The following CHEK1 variants were observed in gnomAD, a reference collection of about 807,000 sequenced individuals.
The protein encoded by CHEK1 is checkpoint kinase 1, also known as serine/threonine-protein kinase Chk1.
In CHEK1, 32 loss-of-function variants were observed where a neutral mutation model predicts 60.2. That is an observed-to-expected ratio of 0.53 (90% CI 0.40 to 0.71). CHEK1 has a LOEUF of 0.71. Ranked by LOEUF, CHEK1 falls within the 30% of genes least tolerant of loss-of-function variation. CHEK1 has a pLI of 0.00. For missense variants in CHEK1, 399 were observed against 564.6 expected (o/e 0.71, Z 2.97); for synonymous variants, 179 against 187.2 (o/e 0.96, Z 0.36).
downstream of CHEK1, chr11:125,657,187 T>TG (rs1941926037): frequency 6.8e-6 from 1 of 146,958 alleles, no homozygotes; most frequent in Admixed American, 7.0e-5. Context: ...CAACCTATGC[T>TG]TGTGTGTGTG....
At chr11:125,652,980 G>T (rs1941790211) in intron 11 of CHEK1, among the ~76,000 whole-genome samples, 1 of 151,922 alleles carries the variant, frequency 6.6e-6, no homozygotes, top group East Asian at 1.9e-4. Flanking sequence ...CCCCTTCCTG[G>T]ACTCTAGTAT....
downstream of CHEK1, among the ~76,000 whole-genome samples, chr11:125,679,755 C>T (rs1024125775): frequency 2.0e-5 from 3 of 152,190 alleles, no homozygotes; most frequent in South Asian, 2.1e-4. Flanking sequence ...AAGAATCTTG[C>T]GATAGATATA....
chr11:125,671,915 GT>G, intron 13 of CHEK1: 1 of 152,236 alleles, frequency 6.6e-6, no homozygotes, highest in South Asian at 2.1e-4. Context: ...CTCCTATCCT[GT>G]ATAGATGATT....
At chr11:125,661,417 T>C (rs1403505452), downstream of CHEK1, among the ~76,000 whole-genome samples, 1 of 152,176 alleles carries the variant, frequency 6.6e-6, no homozygotes, top group African/African-American at 2.4e-5. Flanking sequence ...GTGCAAGTGA[T>C]TCTTGTGCCT....
rs1487323349 is a variant in CHEK1, at chr11:125,656,865, TG to T, written c.*1547del. The T allele has an allele frequency of 9.5e-6, 2 of 210,374 alleles. No individual in the cohort carries two copies. The highest frequency in any genetic ancestry group is 1.9e-5 in the Non-Finnish European group (2 of 103,580). 13.0% of individuals were successfully genotyped at this position (210,374 alleles called of 1,614,324 possible). ...GTTTGCTGTGGGAATTTGTATAGAA[TG>T]GTGGGAAAATTTCAAGTTTCATATT... On this transcript the variant is annotated 3_prime_UTR_variant, in exon 13 of 13. Transcript: ENST00000438015.
At position 125,653,868 on chromosome 11, in the gene CHEK1, A is replaced by G. The variant is rs1384631947; in HGVS notation, c.1335+21A>G. 3 of 1,324,430 alleles carry G rather than the reference A, an allele frequency of 2.3e-6. No individual in the cohort carries two copies. In the African/African-American group the frequency reaches 4.5e-5, roughly 20 times the overall value. The allele number at this position is 1,324,430 out of a possible 1,614,324, so 82.0% of individuals were successfully genotyped here. On this transcript the variant is annotated intron_variant, in intron 12 of 12. Coordinates refer to ENST00000438015, the MANE Select transcript of CHEK1 (RefSeq NM_001114122.3). The surrounding 1 kb of genome is among the most constrained non-coding windows in gnomAD (Gnocchi z 4.3). Reference sequence around the variant, plus strand: ...CTAAGGTATTTTTATGTTTTATTGTATTCTTTCTATGGAAATATTTCTATA... The same window carrying G: ...CTAAGGTATTTTTATGTTTTATTGTGTTCTTTCTATGGAAATATTTCTATA...
chr11:125,629,597 C>G, intron 5 of CHEK1, 137 bp downstream of exon 5: 1 of 657,592 alleles, frequency 1.5e-6, no homozygotes, highest in South Asian at 2.7e-5. Context: ...AAGACAAGAT[C>G]TGAAAAATCA....
chr11:125,636,638 G>A (rs1941084280), intron 7 of CHEK1, among the ~76,000 whole-genome samples: 2 of 151,546 alleles, frequency 1.3e-5, no homozygotes, highest in Non-Finnish European at 2.9e-5. Flanking sequence ...TAATGAAGTT[G>A]TATACCCTTT....
In CHEK1 at chr11:125,675,948, C is replaced by G. The variant is rs147155857; in HGVS notation, c.*48C>G. ...TTTAGATGGAGTTTCACTCTTGTCT[C>G]CCAGGCTGGAGTACAATGGCATGAT... On this transcript the variant is annotated 3_prime_UTR_variant, in exon 14 of 14. Coordinates refer to the CHEK1 transcript ENST00000428830. The G allele has an allele frequency of 6.2e-3, 980 of 157,080 alleles. 8 individuals are homozygous for G. Among genetic ancestry groups the G allele is most frequent in the African/African-American group, 0.022 (933 of 41,602 alleles). 9.7% of individuals were successfully genotyped at this position (157,080 alleles called of 1,614,324 possible). A position where few individuals can be genotyped will look rare whatever the true frequency, so the allele number is the denominator to read the frequency against.
At chr11:125,640,679 C>T (rs1458945161) in intron 8 of CHEK1, among the ~76,000 whole-genome samples, 1 of 152,116 alleles carries the variant, frequency 6.6e-6, no homozygotes, top group African/African-American at 2.4e-5. Flanking sequence ...AAATGATCCT[C>T]CCATCTCAGC....
At chr11:125,680,361 C>T (rs1478195299), downstream of CHEK1, among the ~76,000 whole-genome samples, 1 of 152,218 alleles carries the variant, frequency 6.6e-6, no homozygotes, top group Non-Finnish European at 1.5e-5. Context: ...TCCCATCTCC[C>T]ATCTTTCCTT....
At chr11:125,639,382 CTTTTTTTT>C (rs367756024) in intron 8 of CHEK1, among the ~76,000 whole-genome samples, 1 of 106,378 alleles carries the variant, frequency 9.4e-6, no homozygotes, top group Non-Finnish European at 1.8e-5. Flanking sequence ...ATACTTTTCT[CTTTTTTTT>C]TTTTTTTTTT....
At position 125,625,566 on chromosome 11, in the gene CHEK1, G is replaced by A; in HGVS notation, c.-467G>A. 1 of 589,238 alleles carries A rather than the reference G, an allele frequency of 1.7e-6. No individual in the cohort carries two copies. 36.5% of individuals were successfully genotyped at this position (589,238 alleles called of 1,614,324 possible). The stretch of plus-strand genomic sequence containing the variant: ...CAGTCCTGTCCGGTGGCCTCACGCA[G>A]GTGGCGGTGCAGCCTTTCAGGCCCA... On this transcript the variant is annotated 5_prime_UTR_variant, in exon 1 of 13. Coordinates refer to ENST00000438015, the MANE Select transcript of CHEK1 (RefSeq NM_001114122.3).
intron 2 of CHEK1, 30 bp from the exon 3 acceptor site, chr11:125,627,577 C>A: frequency 6.5e-7 from 1 of 1,549,010 alleles, no homozygotes; most frequent in South Asian, 1.2e-5. Context: ...AAATGGAATT[C>A]TGTAATGTTA....
At chr11:125,652,046 T>C (rs1458044838) in intron 11 of CHEK1, among the ~76,000 whole-genome samples, 1 of 152,228 alleles carries the variant, frequency 6.6e-6, no homozygotes, top group Non-Finnish European at 1.5e-5. Context: ...TCCCAGAACA[T>C]AGTGGGTTAT....
At chr11:125,672,958 AC>A (rs932267134) in intron 13 of CHEK1, among the ~76,000 whole-genome samples, 10 of 151,896 alleles carry the variant, frequency 6.6e-5, no homozygotes, top group Non-Finnish European at 1.0e-4. Flanking sequence ...TGCTCAGGTT[AC>A]CCCAAATTTA....
At chr11:125,640,367 C>G (rs1172262110) in intron 8 of CHEK1, among the ~76,000 whole-genome samples, 1 of 152,004 alleles carries the variant, frequency 6.6e-6, no homozygotes, top group African/African-American at 2.4e-5. Flanking sequence ...CGGTGTCACC[C>G]CGTCTCTACT....
downstream of CHEK1, among the ~76,000 whole-genome samples, chr11:125,660,323 GTGAATTAC>G (rs1452348812): frequency 6.6e-6 from 1 of 152,190 alleles, no homozygotes; most frequent in Admixed American, 6.5e-5. Context: ...TGCTTATACA[GTGAATTAC>G]TAGAGAAGCA....
downstream of CHEK1, among the ~76,000 whole-genome samples, chr11:125,678,978 T>TTATTTATATATATATATACATATA (rs1555078665): frequency 1.1e-5 from 1 of 88,436 alleles, no homozygotes; most frequent in Non-Finnish European, 2.2e-5. Flanking sequence ...TCTAGGCATA[T>TTATTTATATATATATATACATATA]TATATATATA....
Sources: gnomAD v4.1 joint callset for allele counts (sites outside exome capture counted in the v4.1 genomes callset) on GRCh38, gnomAD v4.1.1 for gene constraint, Gnocchi (gnomAD v3.1) non-coding constraint, MANE v1.5 for transcripts, NCBI Gene and HGNC (gene_info 2026-07-23, HGNC 2026-07-21) for gene names.